The following YJU2B variants were observed in gnomAD, a reference collection of about 807,000 sequenced individuals.
YJU2B encodes probable splicing factor YJU2B.
In YJU2B, 18 loss-of-function variants were observed where a neutral mutation model predicts 38.0. That is an observed-to-expected ratio of 0.47 (90% CI 0.33 to 0.70). The LOEUF is 0.70. Ranked by LOEUF, YJU2B falls within the 30% of genes least tolerant of loss-of-function variation. YJU2B has a pLI of 0.02. For missense variants in YJU2B, 538 were observed against 556.3 expected, an observed-to-expected ratio of 0.97 and a Z score of 0.33; for synonymous variants, 246 against 225.4, an observed-to-expected ratio of 1.09 and a Z score of -0.82.
At position 13,762,674 on chromosome 19, in the gene YJU2B, G is replaced by A; in HGVS notation, c.797G>A (p.Ser266Asn). The A allele has an allele frequency of 1.3e-6, 2 of 1,591,564 alleles. No individual in the cohort carries two copies. The highest frequency in any genetic ancestry group is 8.5e-7 in the Non-Finnish European group (1 of 1,174,138). Reference protein sequence around the residue: ...FPSAPGSASSSKVSGVLKKLA... With the variant: ...FPSAPGSASSNKVSGVLKKLA... ...TCTGCCCCCGGATCCGCCTCCAGCA[G>A]CAAGGTCAGCGGCGTCCTGAAGAAG... is the stretch of plus-strand genomic sequence containing the variant. Residue 266 changes from serine to asparagine, a missense_variant, in exon 10 of 10, where the codon AGC becomes AAC. Around this residue, in one of 2 missense-constraint regions of YJU2B, gnomAD observed 488 missense variants for 469.5 expected, o/e 1.04. Coordinates refer to ENST00000221554, the MANE Select transcript of YJU2B (RefSeq NM_030818.4).
At chr19:13,747,886 C>A (rs1439864999), upstream of YJU2B, 1 of 152,320 alleles carries the variant, frequency 6.6e-6, no homozygotes, top group East Asian at 1.9e-4. Context: ...GGAGAGGGCG[C>A]CCAGGTTCAC....
At chr19:13,742,718 T>C (rs141537269) in intron 2 of YJU2B, among the ~76,000 whole-genome samples, 142 of 152,342 alleles carry the variant, frequency 9.3e-4, no homozygotes, top group African/African-American at 3.2e-3. Context: ...ACAGTGAGAC[T>C]CTACAAGCCA....
At chr19:13,746,829 C>A (rs1256449522), upstream of YJU2B, among the ~76,000 whole-genome samples, 1 of 151,980 alleles carries the variant, frequency 6.6e-6, no homozygotes, top group Non-Finnish European at 1.5e-5. Context: ...ATCACTTGAA[C>A]CTGGGAGGTG....
chr19:13,735,177 C>G (rs1870135117), intron 2 of YJU2B, among the ~76,000 whole-genome samples: 1 of 152,082 alleles, frequency 6.6e-6, no homozygotes, highest in African/African-American at 2.4e-5. Flanking sequence ...ATTAGTCGGG[C>G]ATGGTGGTGG....
At chr19:13,740,770 C>T (rs1195455230) in intron 2 of YJU2B, among the ~76,000 whole-genome samples, 1 of 152,080 alleles carries the variant, frequency 6.6e-6, no homozygotes, top group African/African-American at 2.4e-5. Flanking sequence ...CTCCTGACCT[C>T]GCGATCTGCC....
intron 2 of YJU2B, among the ~76,000 whole-genome samples, chr19:13,740,386 T>G (rs936085124): frequency 6.6e-6 from 1 of 151,968 alleles, no homozygotes; most frequent in Non-Finnish European, 1.5e-5. Flanking sequence ...TAATTTTTTG[T>G]TTTTTGTAGA....
upstream of YJU2B, among the ~76,000 whole-genome samples, chr19:13,745,725 A>C (rs1438567910): frequency 7.9e-4 from 69 of 87,574 alleles, no homozygotes; most frequent in African/African-American, 2.9e-3. Flanking sequence ...ATCTATAGAT[A>C]TCTATATATA....
At chr19:13,757,232 C>A (rs1303830793) in intron 4 of YJU2B, among the ~76,000 whole-genome samples, 186 bp from the exon 5 acceptor site, 1 of 152,112 alleles carries the variant, frequency 6.6e-6, no homozygotes, top group East Asian at 1.9e-4. Context: ...TGCTCAGTTA[C>A]AATGGTTGTG....
intron 2 of YJU2B, chr19:13,732,730 C>A (rs1160687950): frequency 6.6e-6 from 1 of 151,184 alleles, no homozygotes; most frequent in Non-Finnish European, 1.5e-5. Flanking sequence ...CTGCCTTAGC[C>A]TCCCAGTAGC....
At chr19:13,751,941 G>C in intron 2 of YJU2B, 130 bp downstream of exon 2, 2 of 883,644 alleles carry the variant, frequency 2.3e-6, no homozygotes, top group East Asian at 2.5e-5. Context: ...TTTTGGTGCA[G>C]TGGGTCTGAA....
chr19:13,757,551 G>T, intron 5 of YJU2B, 78 bp downstream of exon 5: 3 of 1,286,876 alleles, frequency 2.3e-6, no homozygotes, highest in South Asian at 2.4e-5. Context: ...GGGTGGGGGT[G>T]GGAGGGTCCT....
Position 13,762,926 on chromosome 19 carries a change from GGGGGCAGGAA to G in YJU2B, c.1053_1062del (p.Gln352AlafsTer54), listed in dbSNP as rs1568302060. On this transcript the variant is annotated frameshift_variant, in exon 10 of 10. Coordinates refer to ENST00000221554, the MANE Select transcript of YJU2B (RefSeq NM_030818.4). LOFTEE classifies it low-confidence loss of function (END_TRUNC). ...GAGACCCCCAAGTGCAGCAGCCCGAGGGGGCAGGAAGGGAGCCGTCAGGACAAGCCCCTGT... is the reference window on the plus strand; with the variant it reads ...GAGACCCCCAAGTGCAGCAGCCCGAGGGGAGCCGTCAGGACAAGCCCCTGT... 1.2e-6 allele frequency: 2 copies of G among 1,611,976 alleles called. No homozygotes were observed. The highest frequency in any genetic ancestry group is 2.2e-5 in the South Asian group (2 of 90,986).
intron 8 of YJU2B, chr19:13,759,579 A>ACCCCCCCCCCC (rs3059652): frequency 4.6e-6 from 1 of 219,598 alleles, no homozygotes; most frequent in Non-Finnish European, 8.8e-6. Flanking sequence ...GTGAGACACC[A>ACCCCCCCCCCC]CCCCCCCCCT....
At chr19:13,735,984 A>G (rs1207470715) in intron 2 of YJU2B, among the ~76,000 whole-genome samples, 11 of 150,970 alleles carry the variant, frequency 7.3e-5, no homozygotes, top group Non-Finnish European at 1.5e-4. Flanking sequence ...CCTGGGAGGC[A>G]GAGCTTGCAG....
At position 13,762,806 on chromosome 19, in the gene YJU2B, C is replaced by T. The variant is rs990411946; in HGVS notation, c.929C>T (p.Ala310Val). Residue 310 changes from alanine to valine, a missense_variant, in exon 10 of 10, where the codon GCG becomes GTG. By Grantham distance (64) the Ala-to-Val change is moderately conservative. Around this residue, in one of 2 missense-constraint regions of YJU2B, gnomAD observed 488 missense variants for 469.5 expected, o/e 1.04. Transcript: ENST00000221554. Reference sequence around the variant, plus strand: ...GACGTCCCGGAGAGCCCCCAGCATGCGGCCGACACCCCCAAGTCTGGGGAA... The same window carrying T: ...GACGTCCCGGAGAGCCCCCAGCATGTGGCCGACACCCCCAAGTCTGGGGAA... Reference protein sequence around the residue: ...SRDVPESPQHAADTPKSGEPR... With the variant: ...SRDVPESPQHVADTPKSGEPR... 1.2e-5 allele frequency: 19 copies of T among 1,601,882 alleles called. No individual in the cohort carries two copies. The highest frequency in any genetic ancestry group is 2.7e-5 in the African/African-American group (2 of 74,592).
In YJU2B at chr19:13,763,163, C is replaced by T; in HGVS notation, c.*95C>T. On this transcript the variant is annotated 3_prime_UTR_variant, in exon 10 of 10. Transcript: ENST00000221554. ...GCAGACCCCCGGCTCGCCCACCAGCCCTGGGAGAGCTCAGATGCCGCATCC... is the reference window on the plus strand; with the variant it reads ...GCAGACCCCCGGCTCGCCCACCAGCTCTGGGAGAGCTCAGATGCCGCATCC... The T allele has an allele frequency of 1.9e-6, 2 of 1,028,084 alleles. No homozygotes were observed. The highest frequency in any genetic ancestry group is 1.7e-5 in the South Asian group (1 of 60,448). 63.7% of individuals were successfully genotyped at this position (1,028,084 alleles called of 1,614,324 possible). A position where few individuals can be genotyped will look rare whatever the true frequency, so the allele number is the denominator to read the frequency against.
At chr19:13,734,703 C>CT (rs1454808359) in intron 2 of YJU2B, among the ~76,000 whole-genome samples, 1 of 152,222 alleles carries the variant, frequency 6.6e-6, no homozygotes, top group African/African-American at 2.4e-5. Context: ...GTCCTCTCAC[C>CT]TCAGCCTCCC....
At chr19:13,756,352 C>G (rs1306360904) in intron 4 of YJU2B, 73 bp downstream of exon 4, 1 of 1,188,590 alleles carries the variant, frequency 8.4e-7, no homozygotes, top group Non-Finnish European at 1.3e-6. Flanking sequence ...GTTCAGTGCC[C>G]TCATTGGCCC....
chr19:13,734,027 A>G (rs1249857306), intron 2 of YJU2B, among the ~76,000 whole-genome samples: 1 of 152,112 alleles, frequency 6.6e-6, no homozygotes, highest in Non-Finnish European at 1.5e-5. Context: ...TCCTGAGCTC[A>G]AGGGATCCTC....
Sources: gnomAD v4.1 joint callset for allele counts (sites outside exome capture counted in the v4.1 genomes callset) on GRCh38, gnomAD v4.1.1 for gene constraint, gnomAD v4.1.1 regional missense constraint, MANE v1.5 for transcripts, NCBI Gene and HGNC (gene_info 2026-07-23, HGNC 2026-07-21) for gene names.